The following CDCP1 variants were observed in gnomAD, a reference collection of about 807,000 sequenced individuals.
The protein encoded by CDCP1 is CUB domain-containing protein 1.
CDCP1 carries 29 observed loss-of-function variants against 60.2 expected under a neutral mutation model. The ratio of observed to expected loss-of-function variants is 0.48; its 90% CI spans 0.36 to 0.66. The LOEUF (loss-of-function observed/expected upper bound fraction) is 0.66, where lower values mean the gene tolerates loss of function less well. Ranked by LOEUF, CDCP1 falls within the 30% of genes least tolerant of loss-of-function variation. The probability of loss-of-function intolerance (pLI) is 0.00; values close to 1 mark genes in which losing one functional copy is unlikely to be tolerated. For missense variants in CDCP1, 876 were observed against 1,074.3 expected, an observed-to-expected ratio of 0.82 and a Z score of 2.58; for synonymous variants, 387 against 431.1, an observed-to-expected ratio of 0.90 and a Z score of 1.27.
chr3:45,091,616 G>A lies in CDCP1; in HGVS notation c.1628-78C>T, dbSNP rs375411118. 2.1e-4 allele frequency: 305 copies of A among 1,472,144 alleles called. 1 individual carries two copies. In the African/African-American group the frequency reaches 3.5e-3, roughly 17 times the overall value. The allele number at this position is 1,472,144 out of a possible 1,614,324, so 91.2% of individuals were successfully genotyped here. The stretch of plus-strand genomic sequence containing the variant: ...GAGGAAAGGGAGTGGTGGAGGAGAC[G>A]AAGTCCAACTGTCCAGACCAGCGCT... On this transcript the variant is annotated intron_variant, in intron 6 of 8. Transcript: ENST00000296129. This position sits in a 1 kb window ranked among gnomAD's most constrained non-coding sequence, Gnocchi z 4.8.
intron 1 of CDCP1, among the ~76,000 whole-genome samples, chr3:45,122,018 G>T (rs2126001814): frequency 6.6e-6 from 1 of 152,196 alleles, no homozygotes; most frequent in East Asian, 1.9e-4. Context: ...GACCAAAGCT[G>T]ATCTCACCAA....
At chr3:45,115,307 T>A (rs1698765347) in intron 2 of CDCP1, among the ~76,000 whole-genome samples, 1 of 152,158 alleles carries the variant, frequency 6.6e-6, no homozygotes. Context: ...CCATCCCCTA[T>A]AGAGTAGTAT....
chr3:45,132,383 C>T (rs1005655082), intron 1 of CDCP1, among the ~76,000 whole-genome samples: 3 of 152,140 alleles, frequency 2.0e-5, no homozygotes, highest in Non-Finnish European at 4.4e-5. Flanking sequence ...ATTTGTCATC[C>T]CTCAAAGGAT....
rs537326830 is a variant in CDCP1, at chr3:45,131,799, G to A, written c.83-13178C>T. ...GATTTCCCTGATAAGTGAAAAGCTG[G>A]TTAGCACATAATGCAGCCCATTGAC... On this transcript the variant is annotated intron_variant, in intron 1 of 8. Coordinates refer to ENST00000296129, the MANE Select transcript of CDCP1 (RefSeq NM_022842.5). Among the ~76,000 whole-genome samples the A allele has an allele frequency of 5.3e-5, 8 of 152,330 alleles. No homozygotes were observed. In the South Asian group the frequency reaches 1.7e-3, roughly 32 times the overall value.
intron 4 of CDCP1, 44 bp downstream of exon 4, chr3:45,110,429 A>C: frequency 6.3e-7 from 1 of 1,599,796 alleles, no homozygotes; most frequent in Non-Finnish European, 8.5e-7. Context: ...GGAAACAACG[A>C]AGGTGCTGGA....
chr3:45,126,110 CTTTCTTTCTTTCTTTCTT>C (rs1698980413), intron 1 of CDCP1, among the ~76,000 whole-genome samples: 2 of 71,666 alleles, frequency 2.8e-5, no homozygotes, highest in African/African-American at 7.3e-5. Context: ...GTCTCTCTCT[CTTTCTTTCTTTCTTTCTT>C]TCTTTCTTTC....
chr3:45,109,922 C>T (rs960591370), intron 4 of CDCP1, among the ~76,000 whole-genome samples: 1 of 152,170 alleles, frequency 6.6e-6, no homozygotes, highest in Non-Finnish European at 1.5e-5. Flanking sequence ...GCTTGCTCTG[C>T]TCTTAACAAG....
chr3:45,110,145 G>A, intron 4 of CDCP1: 2 of 1,082,000 alleles, frequency 1.8e-6, no homozygotes, highest in African/African-American at 1.6e-5. Context: ...CATCGCTGAT[G>A]GTGCGGGTGA....
In CDCP1 at chr3:45,082,833, G is replaced by C. The variant is rs1698126288; in HGVS notation, c.*2805C>G. On this transcript the variant is annotated 3_prime_UTR_variant, in exon 9 of 9. Transcript: ENST00000296129. ...AGGCTTCAACAAATGGCACTTCACT[G>C]TTTCCAGTGACCCTGAAATGTTTTA... is the stretch of plus-strand genomic sequence containing the variant. 6.6e-6 allele frequency: 1 copy of C among 152,234 alleles called. No homozygotes were observed. Among genetic ancestry groups the C allele is most frequent in the Non-Finnish European group, 1.5e-5 (1 of 68,058 alleles). 9.4% of individuals were successfully genotyped at this position (152,234 alleles called of 1,614,324 possible).
intron 1 of CDCP1, among the ~76,000 whole-genome samples, chr3:45,138,319 A>G (rs1699224080): frequency 6.6e-6 from 1 of 152,244 alleles, no homozygotes; most frequent in Admixed American, 6.5e-5. Flanking sequence ...AGTCGACTGC[A>G]CTGGGACAGT....
rs987181288 is a variant in CDCP1, at chr3:45,105,528, T to C, written c.1024+4945A>G. ...ACATCTGCTTGTCGTATGTGACTCA[T>C]GATCACCCAGAAGCCCATGGGTTTT... On this transcript the variant is annotated intron_variant, in intron 4 of 8. Transcript: ENST00000296129. 4.6e-5 allele frequency among the ~76,000 whole-genome samples: 7 copies of C among 152,188 alleles called. 1 individual carries two copies. The highest frequency in any genetic ancestry group is 3.9e-4 in the Admixed American group (6 of 15,282).
intron 4 of CDCP1, among the ~76,000 whole-genome samples, chr3:45,101,570 T>G (rs1698485290): frequency 6.6e-6 from 1 of 152,126 alleles, no homozygotes; most frequent in Non-Finnish European, 1.5e-5. Flanking sequence ...AGCTGTTCCT[T>G]AATGTGCTGT....
chr3:45,100,320 TC>T (rs1315000086), intron 4 of CDCP1, among the ~76,000 whole-genome samples: 1 of 152,220 alleles, frequency 6.6e-6, no homozygotes, highest in Non-Finnish European at 1.5e-5. Context: ...GTGACTGGGA[TC>T]TTTGGTTCAG....
chr3:45,115,879 A>C (rs1698781781), intron 2 of CDCP1, among the ~76,000 whole-genome samples: 1 of 151,938 alleles, frequency 6.6e-6, no homozygotes, highest in Non-Finnish European at 1.5e-5. Flanking sequence ...AATTGTTTGT[A>C]AAAATATTTA....
In CDCP1 at chr3:45,092,187, A is replaced by G. The variant is rs987025423; in HGVS notation, c.1628-649T>C. Among the ~76,000 whole-genome samples the G allele has an allele frequency of 2.0e-5, 3 of 152,160 alleles. No individual in the cohort carries two copies. The East Asian group carries it at 5.8e-4, about 29-fold the overall frequency. ...GTCTCAGTCAGAGTAGGTACTCAGG[A>G]CTTTTGAAAAAAAACAAAACAAACA... On this transcript the variant is annotated intron_variant, in intron 6 of 8. Transcript: ENST00000296129.
At chr3:45,130,253 C>G (rs1035958052) in intron 1 of CDCP1, among the ~76,000 whole-genome samples, 4 of 151,518 alleles carry the variant, frequency 2.6e-5, no homozygotes, top group Admixed American at 2.6e-4. Flanking sequence ...TCCTGGATAG[C>G]TGGGACCTCA....
In CDCP1 at chr3:45,085,826, A is replaced by T. The variant is rs1466375501; in HGVS notation, c.2323T>A (p.Ser775Thr). The T allele has an allele frequency of 6.2e-7, 1 of 1,613,944 alleles. No individual in the cohort carries two copies. Among genetic ancestry groups the T allele is most frequent in the South Asian group, 1.1e-5 (1 of 91,052 alleles). Residue 775 changes from serine (S) to threonine (T), a missense_variant, in exon 9 of 9, where the codon TCC becomes ACC. By Grantham distance (58) the Ser-to-Thr change is moderately conservative (BLOSUM62 1). Around this residue, in one of 2 missense-constraint regions of CDCP1, gnomAD observed 726 missense variants for 935.7 expected, o/e 0.78. Transcript: ENST00000296129. The surrounding 1 kb of genome is among the most constrained non-coding windows in gnomAD (Gnocchi z 4.2). ...FQGTMGVCPP[S>T]PPTICSRAPT... is the part of the protein sequence containing the mutation. ...GCCCTGGAGCATATGGTGGGTGGGGAGGGAGGACAGACCCCCATGGTGCCC... is the reference window on the plus strand; with the variant it reads ...GCCCTGGAGCATATGGTGGGTGGGGTGGGAGGACAGACCCCCATGGTGCCC...
intron 1 of CDCP1, among the ~76,000 whole-genome samples, chr3:45,119,027 T>C (rs1022099727): frequency 3.2e-4 from 49 of 152,178 alleles, no homozygotes; most frequent in Admixed American, 2.0e-4. Context: ...GAGACACATT[T>C]ATCTGCAAAG....
At position 45,082,940 on chromosome 3, in the gene CDCP1, T is replaced by C. The variant is rs1025646068; in HGVS notation, c.*2698A>G. 3.9e-5 allele frequency: 6 copies of C among 152,190 alleles called. No individual in the cohort carries two copies. Among genetic ancestry groups the C allele is most frequent in the African/African-American group, 1.2e-4 (5 of 41,454 alleles). The allele number at this position is 152,190 out of a possible 1,614,324, so 9.4% of individuals were successfully genotyped here. A position where few individuals can be genotyped will look rare whatever the true frequency, so the allele number is the denominator to read the frequency against. The stretch of plus-strand genomic sequence containing the variant: ...TTCACTGAGGCACAGCTCCAGGAAA[T>C]ACTGGTCTCAGGAGCCAGCAACTTG... On this transcript the variant is annotated 3_prime_UTR_variant, in exon 9 of 9. Coordinates refer to ENST00000296129, the MANE Select transcript of CDCP1 (RefSeq NM_022842.5).
Sources: allele counts gnomAD v4.1 joint callset (sites outside exome capture counted in the v4.1 genomes callset), GRCh38; gene constraint gnomAD v4.1.1; regional missense constraint gnomAD v4.1.1; non-coding constraint Gnocchi (gnomAD v3.1); transcripts MANE v1.5; gene names NCBI Gene and HGNC (gene_info 2026-07-23, HGNC 2026-07-21).